Variants in TASOR2 observed in about 807,000 individuals in gnomAD.
TASOR2 encodes protein TASOR 2.
Under a neutral mutation model 199.5 loss-of-function variants are expected in TASOR2, and 84 were observed. The ratio of observed to expected loss-of-function variants is 0.42; its 90% CI spans 0.35 to 0.50. The LOEUF is 0.50. Ranked by LOEUF, TASOR2 falls within the 20% of genes least tolerant of loss-of-function variation. The pLI, the probability that TASOR2 is intolerant of heterozygous loss-of-function variation, is 0.02. For synonymous variants in TASOR2, 1,103 were observed against 1,046.6 expected, an observed-to-expected ratio of 1.05 and a Z score of -1.04; for missense variants, 2,796 against 2,835.9, an observed-to-expected ratio of 0.99 and a Z score of 0.32.
At chr10:5,694,542 TGTG>T (rs1279885419) in intron 1 of TASOR2, among the ~76,000 whole-genome samples, 1 of 152,174 alleles carries the variant, frequency 6.6e-6, no homozygotes, top group Non-Finnish European at 1.5e-5. Context: ...TTGTTTAAAT[TGTG>T]GTTTATATTC....
chr10:5,749,774 TCAA>T, exon 15 of TASOR2: 1 of 1,614,180 alleles, frequency 6.2e-7, no homozygotes. Flanking sequence ...TATGCTGAAT[TCAA>T]CAAGGTGATG....
chr10:5,746,677 G>C, exon 15 of TASOR2: 5 of 1,614,162 alleles, frequency 3.1e-6, no homozygotes, highest in Non-Finnish European at 3.4e-6. Flanking sequence ...GATTAAGCAA[G>C]TATCACCTGC....
intron 1 of TASOR2, among the ~76,000 whole-genome samples, chr10:5,705,141 C>T (rs367858970): frequency 5.6e-4 from 86 of 152,282 alleles, no homozygotes; most frequent in East Asian, 5.6e-3. Flanking sequence ...CTTGTGCATA[C>T]CCCACTTGTA....
chr10:5,747,233 T>A (rs1320155791), exon 15 of TASOR2: 2 of 1,614,034 alleles, frequency 1.2e-6, no homozygotes, highest in East Asian at 4.5e-5. Flanking sequence ...AGTAGAGAGG[T>A]CAGCCTAGAG....
In TASOR2 at chr10:5,730,839, G is replaced by C; in HGVS notation, c.840G>C (p.Leu280Phe). Residue 280 changes from leucine (L) to phenylalanine (F), a missense_variant, in exon 11 of 21, where the codon TTG becomes TTC. Physicochemically the swap from Leu to Phe is conservative, Grantham distance 22. Coordinates refer to ENST00000328090, the Ensembl canonical transcript of TASOR2. This position sits in a 1 kb window ranked among gnomAD's most constrained non-coding sequence, Gnocchi z 4.1. ...TGGAAGTGTCTACTGCTTTGGACTT[G>C]CTAGCAGAGCATCCTCAGTCTCCTT... is the stretch of plus-strand genomic sequence containing the variant. 3.1e-6 allele frequency: 5 copies of C among 1,614,160 alleles called. No individual in the cohort carries two copies. The highest frequency in any genetic ancestry group is 4.2e-6 in the Non-Finnish European group (5 of 1,180,030).
rs1488424322 is a variant in TASOR2, at chr10:5,689,133, G to A, written c.-288+3958G>A. 1.3e-5 allele frequency among the ~76,000 whole-genome samples: 2 copies of A among 152,212 alleles called. No individual in the cohort carries two copies. The highest frequency in any genetic ancestry group is 2.9e-5 in the Non-Finnish European group (2 of 68,032). On this transcript the variant is annotated intron_variant, in intron 1 of 20. Transcript: ENST00000328090. The surrounding 1 kb of genome is among the most constrained non-coding windows in gnomAD (Gnocchi z 4.1). ...AATGATGTTTTTGCTGAATACAAAA[G>A]TTGGCAATTGTTTTCTTTTAACATG...
rs183272559 is a variant in TASOR2, at chr10:5,698,119, C to G, written c.-288+12944C>G. ...AAGTGACAGAGATATTTCCCTACTC[C>G]TTGACTTTGTGTTTGGCTATGTGAC... On this transcript the variant is annotated intron_variant, in intron 1 of 20. Transcript: ENST00000328090. This position sits in a 1 kb window ranked among gnomAD's most constrained non-coding sequence, Gnocchi z 4.4. Among the ~76,000 whole-genome samples the G allele has an allele frequency of 6.6e-6, 1 of 152,326 alleles. No homozygotes were observed. Among genetic ancestry groups the G allele is most frequent in the East Asian group, 1.9e-4 (1 of 5,192 alleles).
chr10:5,742,079 C>T lies in TASOR2; in HGVS notation c.2328-18C>T. 1 of 1,601,364 alleles carries T rather than the reference C, an allele frequency of 6.2e-7. No homozygotes were observed. The highest frequency in any genetic ancestry group is 8.5e-7 in the Non-Finnish European group (1 of 1,177,038). On this transcript the variant is annotated intron_variant, in intron 13 of 20. Coordinates refer to ENST00000328090, the Ensembl canonical transcript of TASOR2. This position sits in a 1 kb window ranked among gnomAD's most constrained non-coding sequence, Gnocchi z 4.2. ...CCATTTTCAATGATTTTCATGTGTT[C>T]TTTCTGTAAACTCTTAGGCCCTGGA...
chr10:5,744,612 T>C (rs1426989259), intron 14 of TASOR2, among the ~76,000 whole-genome samples: 1 of 149,790 alleles, frequency 6.7e-6, no homozygotes, highest in Non-Finnish European at 1.5e-5. Flanking sequence ...CCAGAAATGG[T>C]TGGTTGGTTT....
chr10:5,714,057 T>TAA (rs1588684467), intron 2 of TASOR2, 78 bp from the exon 3 acceptor site: 9 of 465,918 alleles, frequency 1.9e-5, no homozygotes, highest in African/African-American at 8.7e-5. Flanking sequence ...AAAAATAAAA[T>TAA]TAAAAAAAAA....
intron 12 of TASOR2, 143 bp downstream of exon 13, chr10:5,735,689 C>T: frequency 1.9e-6 from 2 of 1,045,534 alleles, no homozygotes; most frequent in Non-Finnish European, 2.7e-6. Flanking sequence ...ATTAAAAAAA[C>T]TAAGTAAACT....
chr10:5,740,537 T>A lies in TASOR2; in HGVS notation c.2327+40T>A, dbSNP rs780894875. ...AACTTAGTGAAAATGGATGAAACTT[T>A]TCTGTTGAGATGAATGTAGTGAGAT... On this transcript the variant is annotated intron_variant, in intron 13 of 20. Coordinates refer to ENST00000328090, the Ensembl canonical transcript of TASOR2. This position sits in a 1 kb window ranked among gnomAD's most constrained non-coding sequence, Gnocchi z 5.3. 7 of 1,580,762 alleles carry A rather than the reference T, an allele frequency of 4.4e-6. No homozygotes were observed. Among genetic ancestry groups the A allele is most frequent in the Middle Eastern group, 1.7e-4 (1 of 5,940 alleles).
rs752097706 is a variant in TASOR2 at position 5,750,030 on chromosome 10, A to G, written c.6606+3A>G. 1.3e-6 allele frequency: 2 copies of G among 1,586,858 alleles called. No individual in the cohort carries two copies. The highest frequency in any genetic ancestry group is 1.8e-5 in the Admixed American group (1 of 55,760). The stretch of plus-strand genomic sequence containing the variant: ...AATCATTCTTTGTAAGAACAAAGGT[A>G]AAGTGCCAGCCACGTCTTACGTATT... On this transcript the variant is annotated splice_donor_region_variant and intron_variant, in intron 15 of 20. Transcript: ENST00000328090. The surrounding 1 kb of genome is among the most constrained non-coding windows in gnomAD (Gnocchi z 5.4).
At position 5,762,983 on chromosome 10, in the gene TASOR2, T is replaced by C. The variant is rs752551016; in HGVS notation, c.7290-46T>C. On this transcript the variant is annotated intron_variant, in intron 20 of 20. Coordinates refer to ENST00000328090, the Ensembl canonical transcript of TASOR2. ...CATCCCGCTTATAAAATATTTCTTG[T>C]TCGTATTATTTTAAGAAGTTCTTTA... is the stretch of plus-strand genomic sequence containing the variant. The C allele has an allele frequency of 3.8e-6, 6 of 1,577,444 alleles. No individual in the cohort carries two copies. In the African/African-American group the frequency reaches 8.1e-5, roughly 21 times the overall value.
chr10:5,733,002 A>G (rs922855739), intron 11 of TASOR2, among the ~76,000 whole-genome samples: 1 of 152,188 alleles, frequency 6.6e-6, no homozygotes, highest in Admixed American at 6.5e-5. Flanking sequence ...GGCCAACCAT[A>G]CTGTTCTGCA....
exon 13 of TASOR2, chr10:5,739,742 C>T: frequency 6.2e-7 from 1 of 1,614,182 alleles, no homozygotes; most frequent in Non-Finnish European, 8.5e-7. Flanking sequence ...TTCCTGAAAA[C>T]TCCATCGTCA....
intron 12 of TASOR2, among the ~76,000 whole-genome samples, chr10:5,736,495 C>A (rs1409150721): frequency 6.6e-6 from 1 of 152,048 alleles, no homozygotes; most frequent in Non-Finnish European, 1.5e-5. Flanking sequence ...CTCAAGTGAT[C>A]CTGCCTGGCT....
exon 18 of TASOR2, chr10:5,758,894 G>A (rs1208355733): frequency 3.1e-6 from 5 of 1,611,568 alleles, no homozygotes. Context: ...TAGTTCAACT[G>A]AAGGAAATTA....
At chr10:5,707,714 CCTCA>C (rs1300626358) in intron 1 of TASOR2, among the ~76,000 whole-genome samples, 1 of 141,036 alleles carries the variant, frequency 7.1e-6, no homozygotes, top group African/African-American at 2.7e-5. Context: ...ACTCACTCTC[CCTCA>C]CTCATTTTCA....
Sources: allele counts gnomAD v4.1 joint callset (sites outside exome capture counted in the v4.1 genomes callset), GRCh38; gene constraint gnomAD v4.1.1; non-coding constraint Gnocchi (gnomAD v3.1); transcripts MANE v1.5; gene names NCBI Gene and HGNC (gene_info 2026-07-23, HGNC 2026-07-21).